CCDC92: variants seen among roughly 807,000 people sequenced by gnomAD.
The protein encoded by CCDC92 is coiled-coil domain containing 92, also known as coiled-coil domain-containing protein 92.
Under a neutral mutation model 24.9 loss-of-function variants are expected in CCDC92, and 12 were observed. That is an observed-to-expected ratio of 0.48 (90% CI 0.31 to 0.78). The LOEUF is 0.78. CCDC92 is among the 30% of genes least tolerant of loss of function. CCDC92 has a pLI of 0.05. For missense variants in CCDC92, 399 were observed against 439.4 expected, an observed-to-expected ratio of 0.91 and a Z score of 0.82; for synonymous variants, 193 against 196.3, an observed-to-expected ratio of 0.98 and a Z score of 0.14.
Position 123,937,388 on chromosome 12 carries a change from G to A in CCDC92, c.666C>T (p.Tyr222=). 6.2e-7 allele frequency: 1 copy of A among 1,614,020 alleles called. No homozygotes were observed. The highest frequency in any genetic ancestry group is 8.5e-7 in the Non-Finnish European group (1 of 1,180,030). Residue 222 remains tyrosine, a synonymous_variant, in exon 5 of 5, where the codon TAC becomes TAT. Coordinates refer to ENST00000238156, the MANE Select transcript of CCDC92 (RefSeq NM_025140.3). This position sits in a 1 kb window ranked among gnomAD's most constrained non-coding sequence, Gnocchi z 8.4. ...GTTTCCTGCTCTCTGCCCCGAATCTGTAGACCTCTTCAAATTCCGGGTGCA... is the reference window on the plus strand; with the variant it reads ...GTTTCCTGCTCTCTGCCCCGAATCTATAGACCTCTTCAAATTCCGGGTGCA... ...APLHPEFEEV[Y]RFGAESRKLL... is the part of the protein sequence containing the mutation.
chr12:123,943,235 C>T, intron 3 of CCDC92, 112 bp downstream of exon 3: 3 of 1,174,070 alleles, frequency 2.6e-6, no homozygotes, highest in Non-Finnish European at 2.4e-6. Context: ...CAGATGGACT[C>T]CTGCAACGAT....
At chr12:123,963,455 A>C (rs1227685031) in intron 1 of CCDC92, among the ~76,000 whole-genome samples, 1 of 152,224 alleles carries the variant, frequency 6.6e-6, no homozygotes, top group Non-Finnish European at 1.5e-5. Context: ...TTACACGCTC[A>C]GCGAGGCAGG....
At chr12:123,941,536 T>C (rs967681555) in intron 4 of CCDC92, among the ~76,000 whole-genome samples, 1 of 152,196 alleles carries the variant, frequency 6.6e-6, no homozygotes, top group Non-Finnish European at 1.5e-5. Flanking sequence ...GTAACTGCCA[T>C]TGTGAGGCCT....
chr12:123,940,543 TC>T (rs1224355628), intron 4 of CCDC92, among the ~76,000 whole-genome samples: 1 of 152,186 alleles, frequency 6.6e-6, no homozygotes, highest in East Asian at 1.9e-4. Context: ...TGACTGTCCT[TC>T]CCAGGAATCA....
rs1391113203 is a variant in CCDC92, at chr12:123,937,046, G to A, written c.*12C>T. The A allele has an allele frequency of 6.2e-7, 1 of 1,613,476 alleles. No homozygotes were observed. Among genetic ancestry groups the A allele is most frequent in the Admixed American group, 1.7e-5 (1 of 59,996 alleles). On this transcript the variant is annotated 3_prime_UTR_variant, in exon 5 of 5. Transcript: ENST00000238156. The surrounding 1 kb of genome is among the most constrained non-coding windows in gnomAD (Gnocchi z 8.4). ...CAGTGCATGGACAGCGCGGGGTGGG[G>A]CACGGCGGGCTTCACACAGTTCTGT...
At chr12:123,939,246 T>C (rs1396889821) in intron 4 of CCDC92, among the ~76,000 whole-genome samples, 1 of 152,152 alleles carries the variant, frequency 6.6e-6, no homozygotes, top group Non-Finnish European at 1.5e-5. Flanking sequence ...CCACTGGACG[T>C]CTTTCCCGGG....
At position 123,937,514 on chromosome 12, in the gene CCDC92, C is replaced by T. The variant is rs1389100353; in HGVS notation, c.540G>A (p.Pro180=). 19 of 1,612,230 alleles carry T rather than the reference C, an allele frequency of 1.2e-5. No individual in the cohort carries two copies. In the East Asian group the frequency reaches 1.6e-4, roughly 13 times the overall value. The change falls in exon 5 of 5, where the codon CCG becomes CCA. Residue 180 remains proline (P), a synonymous_variant. Coordinates refer to ENST00000238156, the MANE Select transcript of CCDC92 (RefSeq NM_025140.3). This position sits in a 1 kb window ranked among gnomAD's most constrained non-coding sequence, Gnocchi z 8.4. ...AGCTGGCCAGCACGGGGCTCCCTGACGGGCTGGCATCTGAGGTCCCGCTGG... is the reference window on the plus strand; with the variant it reads ...AGCTGGCCAGCACGGGGCTCCCTGATGGGCTGGCATCTGAGGTCCCGCTGG... ...MSSSGTSDAS[P]SGSPVLASYK...
At chr12:123,965,251 G>A (rs1343245580) in intron 1 of CCDC92, among the ~76,000 whole-genome samples, 1 of 152,092 alleles carries the variant, frequency 6.6e-6, no homozygotes, top group African/African-American at 2.4e-5. Context: ...GATATAGTGA[G>A]GTCTATCAAT....
rs1955512541 is a variant in CCDC92 at position 123,936,868 on chromosome 12, A to AAT, written c.*188_*189dup. On this transcript the variant is annotated 3_prime_UTR_variant, in exon 5 of 5. Coordinates refer to ENST00000238156, the MANE Select transcript of CCDC92 (RefSeq NM_025140.3). ...AGGCGTTTGGCCACAGCAATTAGGAAATACATATTCTGCGGCAGGGACACG... is the reference window on the plus strand; with the variant it reads ...AGGCGTTTGGCCACAGCAATTAGGAAATATACATATTCTGCGGCAGGGACACG... 7.5e-6 allele frequency: 5 copies of AAT among 664,418 alleles called. No individual in the cohort carries two copies. Among genetic ancestry groups the AAT allele is most frequent in the Non-Finnish European group, 1.3e-5 (5 of 394,818 alleles). 41.2% of individuals were successfully genotyped at this position (664,418 alleles called of 1,614,324 possible).
chr12:123,964,612 T>C (rs1486050757), intron 1 of CCDC92, among the ~76,000 whole-genome samples: 1 of 152,206 alleles, frequency 6.6e-6, no homozygotes, highest in African/African-American at 2.4e-5. Flanking sequence ...TCACAAAGGC[T>C]AAATTAAATG....
chr12:123,967,486 G>T (rs1956420706), intron 1 of CCDC92, among the ~76,000 whole-genome samples: 2 of 152,214 alleles, frequency 1.3e-5, no homozygotes, highest in South Asian at 4.1e-4. Flanking sequence ...CACTAGCAGT[G>T]CCTTTCATCT....
intron 1 of CCDC92, chr12:123,944,600 T>C: frequency 8.5e-6 from 3 of 352,116 alleles, no homozygotes; most frequent in Non-Finnish European, 1.5e-5. Flanking sequence ...CAATTATCTG[T>C]ACGACCAGTG....
intron 1 of CCDC92, chr12:123,962,740 G>A (rs1485398774): frequency 2.6e-5 from 4 of 152,364 alleles, no homozygotes; most frequent in African/African-American, 7.2e-5. Context: ...AGAGGAGCTG[G>A]CCTGCTTCTG....
chr12:123,949,566 A>G (rs1955971134), intron 1 of CCDC92, among the ~76,000 whole-genome samples: 1 of 152,250 alleles, frequency 6.6e-6, no homozygotes, highest in Admixed American at 6.5e-5. Context: ...CGCCAGCAGA[A>G]GCAATGCAAA....
intron 1 of CCDC92, among the ~76,000 whole-genome samples, chr12:123,967,642 A>G (rs1201071230): frequency 3.9e-5 from 6 of 152,258 alleles, no homozygotes; most frequent in African/African-American, 1.2e-4. Context: ...TGTATGACAG[A>G]GATGGAACTT....
chr12:123,967,175 A>G (rs1220491423), intron 1 of CCDC92, among the ~76,000 whole-genome samples: 1 of 152,224 alleles, frequency 6.6e-6, no homozygotes, highest in East Asian at 1.9e-4. Context: ...CCCCGAGAGC[A>G]ATAGGGCATG....
chr12:123,937,744 C>CA lies in CCDC92; in HGVS notation c.309dup (p.Glu104Ter), dbSNP rs1236731062. On this transcript the variant is annotated frameshift_variant, in exon 5 of 5. Transcript: ENST00000238156. LOFTEE classifies it high-confidence loss of function. This position sits in a 1 kb window ranked among gnomAD's most constrained non-coding sequence, Gnocchi z 8.4. ...TTCTGCTCCAGTTCTTTCAACAACTCAGCATTTTCGTTCTCTTTCACTTTC... is the reference window on the plus strand; with the variant it reads ...TTCTGCTCCAGTTCTTTCAACAACTCAAGCATTTTCGTTCTCTTTCACTTTC... 1 of 1,614,126 alleles carries CA rather than the reference C, an allele frequency of 6.2e-7. No individual in the cohort carries two copies.
At chr12:123,962,174 A>G (rs776972225) in intron 1 of CCDC92, among the ~76,000 whole-genome samples, 3 of 152,200 alleles carry the variant, frequency 2.0e-5, no homozygotes, top group Non-Finnish European at 4.4e-5. Flanking sequence ...AAAAATCAGA[A>G]TAAGAGAAAA....
chr12:123,972,083 G>C (rs995313277), intron 1 of CCDC92: 8 of 152,194 alleles, frequency 5.3e-5, no homozygotes, highest in Non-Finnish European at 1.2e-4. Flanking sequence ...CTCGCCCTGC[G>C]ATCCCACCCC....
Sources: gnomAD v4.1 joint callset for allele counts (sites outside exome capture counted in the v4.1 genomes callset) on GRCh38, gnomAD v4.1.1 for gene constraint, Gnocchi (gnomAD v3.1) non-coding constraint, MANE v1.5 for transcripts, NCBI Gene and HGNC (gene_info 2026-07-23, HGNC 2026-07-21) for gene names.